ANKRD28: variants seen among roughly 807,000 people sequenced by gnomAD.
ANKRD28 encodes serine/threonine-protein phosphatase 6 regulatory ankyrin repeat subunit A.
Under a neutral mutation model 126.5 loss-of-function variants are expected in ANKRD28, and 44 were observed. That is an observed-to-expected ratio of 0.35 (90% CI 0.27 to 0.45). The LOEUF is 0.45. Among genes scored for constraint, ANKRD28 ranks in the 20% least tolerant of loss-of-function variants. The pLI, the probability that ANKRD28 is intolerant of heterozygous loss-of-function variation, is 1.00. For synonymous variants in ANKRD28, 442 were observed against 468.5 expected (o/e 0.94, Z 0.73); for missense variants, 1,110 against 1,316.6 (o/e 0.84, Z 2.43).
chr3:15,689,781 A>G lies in ANKRD28; in HGVS notation c.1963+238T>C, dbSNP rs539382783. 17 of 442,532 alleles carry G rather than the reference A, an allele frequency of 3.8e-5. No individual in the cohort carries two copies. In the Admixed American group the frequency reaches 5.4e-4, roughly 14 times the overall value. 27.4% of individuals were successfully genotyped at this position (442,532 alleles called of 1,614,324 possible). Reference sequence around the variant, plus strand: ...CTTGGTTTACTTGGGTTGATATAATACACTGTATTTAAGTTCCCTGAACAC... The same window carrying G: ...CTTGGTTTACTTGGGTTGATATAATGCACTGTATTTAAGTTCCCTGAACAC... On this transcript the variant is annotated intron_variant, in intron 18 of 27. Coordinates refer to ENST00000683139, the MANE Select transcript of ANKRD28 (RefSeq NM_001349278.2).
At chr3:15,831,572 GA>G (rs540388143) in intron 1 of ANKRD28, among the ~76,000 whole-genome samples, 1 of 152,148 alleles carries the variant, frequency 6.6e-6, no homozygotes, top group South Asian at 2.1e-4. Flanking sequence ...CCCCTGAGGA[GA>G]AAAATCGCTC....
chr3:15,758,655 CCT>C (rs1448276907), intron 3 of ANKRD28, among the ~76,000 whole-genome samples: 1 of 152,132 alleles, frequency 6.6e-6, no homozygotes, highest in Non-Finnish European at 1.5e-5. Context: ...CAGATCCTTC[CCT>C]CTCAGCCTTC....
chr3:15,688,614 G>A (rs1299463476), intron 18 of ANKRD28, among the ~76,000 whole-genome samples: 1 of 152,158 alleles, frequency 6.6e-6, no homozygotes. Context: ...GAGTAACAGT[G>A]GGTGTTATCA....
intron 7 of ANKRD28, 51 bp from the exon 8 acceptor site, chr3:15,721,178 A>G (rs2073683699): frequency 9.9e-6 from 15 of 1,521,896 alleles, no homozygotes; most frequent in Non-Finnish European, 1.3e-5. Context: ...GCTAATTATC[A>G]ATGTTGTGAG....
At chr3:15,825,868 A>G (rs9815283) in intron 1 of ANKRD28, among the ~76,000 whole-genome samples, 101,964 of 152,000 alleles carry the variant, frequency 0.67, 34,721 homozygotes, top group East Asian at 0.91. Flanking sequence ...TTAGAAATCC[A>G]GGAAACACAA....
At chr3:15,850,214 T>TAC (rs2061615139) in intron 1 of ANKRD28, among the ~76,000 whole-genome samples, 1 of 64,546 alleles carries the variant, frequency 1.5e-5, no homozygotes, top group Admixed American at 1.8e-4. Flanking sequence ...AATATATATA[T>TAC]ATATATATAT....
At chr3:15,707,586 C>T (rs2071628353) in intron 14 of ANKRD28, among the ~76,000 whole-genome samples, 1 of 152,158 alleles carries the variant, frequency 6.6e-6, no homozygotes, top group Non-Finnish European at 1.5e-5. Flanking sequence ...CTCCTCTCTC[C>T]CTTTCCCCAT....
intron 2 of ANKRD28, among the ~76,000 whole-genome samples, chr3:15,785,534 A>G (rs971915932): frequency 6.6e-6 from 1 of 152,150 alleles, no homozygotes; most frequent in Non-Finnish European, 1.5e-5. Context: ...ACCTATTAGA[A>G]TGGTCAAAAT....
At chr3:15,795,096 C>A (rs1025068249) in intron 2 of ANKRD28, 127 bp downstream of exon 2, 11 of 677,658 alleles carry the variant, frequency 1.6e-5, no homozygotes, top group Non-Finnish European at 2.6e-5. Flanking sequence ...GCCTCAATAC[C>A]TTCCTGCCCT....
chr3:15,695,276 A>C, intron 15 of ANKRD28, 62 bp from the exon 16 acceptor site: 18 of 1,237,504 alleles, frequency 1.5e-5, no homozygotes, highest in Non-Finnish European at 2.1e-5. Flanking sequence ...ATTAAGTCTC[A>C]ACTTATATAG....
intron 7 of ANKRD28, among the ~76,000 whole-genome samples, chr3:15,722,024 C>T (rs79156468): frequency 0.021 from 3,122 of 152,220 alleles, 113 homozygotes; most frequent in African/African-American, 0.072. Context: ...CGATTACAGG[C>T]GTGAGACCCT....
rs1015096913 is a variant in ANKRD28, at chr3:15,854,841, G to A, written c.27+4536C>T. Among the ~76,000 whole-genome samples, 8 of 152,120 alleles carry A rather than the reference G, an allele frequency of 5.3e-5. No homozygotes were observed. Among genetic ancestry groups the A allele is most frequent in the Admixed American group, 3.9e-4 (6 of 15,268 alleles). On this transcript the variant is annotated intron_variant, in intron 1 of 27. Transcript: ENST00000399451. This position sits in a 1 kb window ranked among gnomAD's most constrained non-coding sequence, Gnocchi z 4.1. ...CAAGGTGGGTGGATCACAAGGTCACGAGATTGAGACTATCCTGGCCAACAT... is the reference window on the plus strand; with the variant it reads ...CAAGGTGGGTGGATCACAAGGTCACAAGATTGAGACTATCCTGGCCAACAT...
At chr3:15,824,131 G>A (rs2061006291) in intron 1 of ANKRD28, among the ~76,000 whole-genome samples, 1 of 152,142 alleles carries the variant, frequency 6.6e-6, no homozygotes, top group Non-Finnish European at 1.5e-5. Context: ...ATCTCTATTT[G>A]CAGATATGAT....
intron 1 of ANKRD28, among the ~76,000 whole-genome samples, chr3:15,813,228 T>C (rs910318415): frequency 6.6e-6 from 1 of 151,984 alleles, no homozygotes; most frequent in East Asian, 1.9e-4. Context: ...TAACCGGGCA[T>C]GGTGGCATGC....
intron 6 of ANKRD28, among the ~76,000 whole-genome samples, chr3:15,734,689 A>G (rs1012169679): frequency 6.6e-6 from 1 of 152,178 alleles, no homozygotes; most frequent in Admixed American, 6.5e-5. Flanking sequence ...TTAGAGATCT[A>G]CCTTCCTCGG....
chr3:15,693,821 G>A (rs1490959921), intron 17 of ANKRD28, among the ~76,000 whole-genome samples: 2 of 152,166 alleles, frequency 1.3e-5, no homozygotes, highest in Non-Finnish European at 1.5e-5. Context: ...GGAAGTATCA[G>A]TAGGGAGAAA....
At chr3:15,859,766 G>T (rs1364985228) in exon 1 of ANKRD28, 2 of 153,004 alleles carry the variant, frequency 1.3e-5, no homozygotes, top group South Asian at 1.8e-4. Flanking sequence ...CAGCCCCCGC[G>T]GCCGCGCCGT....
rs1489940788 is a variant in ANKRD28, at chr3:15,846,119, CG to C, written c.27+13257del. On this transcript the variant is annotated intron_variant, in intron 1 of 27. Coordinates refer to the ANKRD28 transcript ENST00000399451. The surrounding 1 kb of genome is among the most constrained non-coding windows in gnomAD (Gnocchi z 5.4). ...CTCCCAAAATCTTAACTCGTCCCAG[CG>C]TTAACTCAGAAATCCAAGCCCAAAG... Among the ~76,000 whole-genome samples, 1 of 151,272 alleles carries C rather than the reference CG, an allele frequency of 6.6e-6. No individual in the cohort carries two copies. The highest frequency in any genetic ancestry group is 2.0e-4 in the East Asian group (1 of 5,120).
intron 2 of ANKRD28, among the ~76,000 whole-genome samples, chr3:15,784,464 G>A (rs2059680061): frequency 6.6e-6 from 1 of 151,408 alleles, no homozygotes; most frequent in African/African-American, 2.4e-5. Flanking sequence ...ATGTCCATTA[G>A]ATTAATATGC....
Sources: gnomAD v4.1 joint callset for allele counts (sites outside exome capture counted in the v4.1 genomes callset) on GRCh38, gnomAD v4.1.1 for gene constraint, Gnocchi (gnomAD v3.1) non-coding constraint, MANE v1.5 for transcripts, NCBI Gene and HGNC (gene_info 2026-07-23, HGNC 2026-07-21) for gene names.